FAM114A1: variants seen among roughly 807,000 people sequenced by gnomAD.
The protein encoded by FAM114A1 is family with sequence similarity 114 member A1.
Under a neutral mutation model 64.3 loss-of-function variants are expected in FAM114A1, and 62 were observed. The observed-to-expected ratio is 0.96, with a 90% CI of 0.79 to 1.19. The LOEUF (loss-of-function observed/expected upper bound fraction) is 1.19. FAM114A1 is among the 50% of genes most tolerant of loss of function. FAM114A1 has a pLI of 0.00. For missense variants in FAM114A1, 645 were observed against 676.3 expected (o/e 0.95, Z 0.51); for synonymous variants, 254 against 251.1 (o/e 1.01, Z -0.11).
At chr4:38,917,149 CAAATAAAT>C (rs55953630) in intron 8 of FAM114A1, among the ~76,000 whole-genome samples, 311 of 143,134 alleles carry the variant, frequency 2.2e-3, no homozygotes, top group African/African-American at 4.3e-3. Context: ...ACTAAAAATA[CAAATAAAT>C]AAATAAATAA....
intron 8 of FAM114A1, among the ~76,000 whole-genome samples, chr4:38,915,318 C>T (rs554898358): frequency 3.2e-4 from 48 of 152,130 alleles, no homozygotes; most frequent in Non-Finnish European, 3.5e-4. Flanking sequence ...ACCACTATCC[C>T]CCCACCTCAT....
intron 13 of FAM114A1, among the ~76,000 whole-genome samples, chr4:38,940,402 A>C (rs567221502): frequency 1.6e-4 from 24 of 152,206 alleles, no homozygotes; most frequent in African/African-American, 5.8e-4. Flanking sequence ...GGGGTAGACC[A>C]GGGCTTAGAC....
chr4:38,914,016 C>T (rs1303058130), intron 7 of FAM114A1, among the ~76,000 whole-genome samples: 1 of 152,048 alleles, frequency 6.6e-6, no homozygotes, highest in Non-Finnish European at 1.5e-5. Context: ...AGGAGAATCA[C>T]TTGAACCTGG....
chr4:38,908,488 TTGA>T, intron 6 of FAM114A1, 101 bp from the exon 7 acceptor site: 1 of 1,148,840 alleles, frequency 8.7e-7, no homozygotes, highest in Non-Finnish European at 1.2e-6. Flanking sequence ...TGACTTTATA[TTGA>T]TTTTAATATT....
intron 4 of FAM114A1, 110 bp from the exon 5 acceptor site, chr4:38,905,412 A>AG (rs34279693): frequency 1.2e-5 from 10 of 832,868 alleles, no homozygotes; most frequent in African/African-American, 1.0e-4. Context: ...AAAAAAAAAA[A>AG]AAAGAAAGAT....
chr4:38,913,447 G>A (rs1334478526), intron 7 of FAM114A1, among the ~76,000 whole-genome samples: 2 of 152,188 alleles, frequency 1.3e-5, no homozygotes, highest in Non-Finnish European at 2.9e-5. Context: ...TGCCCAGGCT[G>A]GAGTGCAACG....
intron 4 of FAM114A1, among the ~76,000 whole-genome samples, chr4:38,892,566 G>A (rs542287049): frequency 9.9e-5 from 15 of 152,266 alleles, no homozygotes; most frequent in African/African-American, 3.6e-4. Flanking sequence ...TATTCTTCAT[G>A]TTACCATTTC....
At chr4:38,891,112 A>T (rs1716329607) in intron 3 of FAM114A1, among the ~76,000 whole-genome samples, 1 of 152,192 alleles carries the variant, frequency 6.6e-6, no homozygotes, top group Non-Finnish European at 1.5e-5. Flanking sequence ...CCAAAAACCT[A>T]GGCAAACGAA....
chr4:38,923,639 T>C (rs1357891332), intron 9 of FAM114A1, among the ~76,000 whole-genome samples: 3 of 152,198 alleles, frequency 2.0e-5, no homozygotes, highest in Admixed American at 1.3e-4. Flanking sequence ...TTTTAATTTA[T>C]AGGTGTAAGA....
At position 38,922,937 on chromosome 4, in the gene FAM114A1, A is replaced by G. The variant is rs1719749367; in HGVS notation, c.1069+44A>G. The G allele has an allele frequency of 2.5e-6, 4 of 1,571,034 alleles. No homozygotes were observed. The South Asian group carries it at 4.8e-5, about 19-fold the overall frequency. On this transcript the variant is annotated intron_variant, in intron 9 of 14. Coordinates refer to ENST00000358869, the MANE Select transcript of FAM114A1 (RefSeq NM_138389.4). ...AATAGCAAGACAAACTGTTGGCATA[A>G]TCCTTACGAAACTGCTGTTAATGAA...
intron 4 of FAM114A1, among the ~76,000 whole-genome samples, chr4:38,902,086 A>T (rs959610285): frequency 6.6e-6 from 1 of 152,268 alleles, no homozygotes; most frequent in Non-Finnish European, 1.5e-5. Context: ...AACATAACAT[A>T]GTGATTACAC....
intron 13 of FAM114A1, among the ~76,000 whole-genome samples, chr4:38,940,565 A>C (rs975552248): frequency 2.4e-4 from 36 of 152,228 alleles, no homozygotes; most frequent in African/African-American, 8.7e-4. Context: ...AAAATATCAA[A>C]ATTTTAAGTA....
At chr4:38,940,426 T>G (rs1721499433) in intron 13 of FAM114A1, among the ~76,000 whole-genome samples, 1 of 151,610 alleles carries the variant, frequency 6.6e-6, no homozygotes, top group Non-Finnish European at 1.5e-5. Context: ...GTTAGGTGAG[T>G]GAGGGACTTA....
chr4:38,934,210 A>G (rs1249743654), intron 12 of FAM114A1, among the ~76,000 whole-genome samples: 3 of 152,162 alleles, frequency 2.0e-5, no homozygotes, highest in Admixed American at 6.5e-5. Context: ...CTAGGTATGG[A>G]TAGTGACCTT....
Position 38,872,434 on chromosome 4 carries a change from C to T in FAM114A1, c.-9+3888C>T, listed in dbSNP as rs374272338. On this transcript the variant is annotated intron_variant, in intron 2 of 14. Coordinates refer to ENST00000358869, the MANE Select transcript of FAM114A1 (RefSeq NM_138389.4). ...AGTGTTTATCACAGCCAGATTTACT[C>T]TGATGTTCCTGCTTATAGAAAACTG... 6.6e-5 allele frequency among the ~76,000 whole-genome samples: 10 copies of T among 152,204 alleles called. No homozygotes were observed. The South Asian group carries it at 1.9e-3, about 28-fold the overall frequency.
chr4:38,879,986 A>C (rs985815582), intron 3 of FAM114A1, among the ~76,000 whole-genome samples: 3 of 151,974 alleles, frequency 2.0e-5, no homozygotes, highest in Admixed American at 6.6e-5. Context: ...GGATCACCTG[A>C]ACCCAGGTGG....
intron 13 of FAM114A1, among the ~76,000 whole-genome samples, chr4:38,936,790 A>C (rs1162845556): frequency 6.6e-6 from 1 of 151,458 alleles, no homozygotes; most frequent in Non-Finnish European, 1.5e-5. Flanking sequence ...TGACCTAGTG[A>C]TCCACCGGCC....
At chr4:38,875,059 G>A (rs1211525282) in intron 2 of FAM114A1, among the ~76,000 whole-genome samples, 1 of 152,068 alleles carries the variant, frequency 6.6e-6, no homozygotes, top group Non-Finnish European at 1.5e-5. Context: ...CAGTACCATG[G>A]TGTTTTGGTT....
intron 3 of FAM114A1, among the ~76,000 whole-genome samples, chr4:38,885,862 G>A (rs1262676963): frequency 6.6e-6 from 1 of 152,096 alleles, no homozygotes; most frequent in African/African-American, 2.4e-5. Flanking sequence ...CACCCATAAT[G>A]TCACAATATG....
Sources: gnomAD v4.1 joint callset for allele counts (sites outside exome capture counted in the v4.1 genomes callset) on GRCh38, gnomAD v4.1.1 for gene constraint, MANE v1.5 for transcripts, NCBI Gene and HGNC (gene_info 2026-07-23, HGNC 2026-07-21) for gene names.